Variants in FRMD4B observed in about 807,000 individuals in gnomAD.
The protein encoded by FRMD4B is FERM domain containing 4B.
A neutral mutation model predicts 141.5 loss-of-function variants in FRMD4B; 74 were observed. The observed-to-expected ratio is 0.52, with a 90% CI of 0.43 to 0.63. FRMD4B has a LOEUF of 0.63. FRMD4B is among the 30% of genes least tolerant of loss of function. The pLI, the probability that FRMD4B is intolerant of heterozygous loss-of-function variation, is 0.00. For missense variants in FRMD4B, 1,366 were observed against 1,253.4 expected (o/e 1.09, Z -1.36); for synonymous variants, 506 against 467.9 (o/e 1.08, Z -1.05).
intron 1 of FRMD4B, among the ~76,000 whole-genome samples, chr3:69,460,760 A>G (rs1705695799): frequency 6.6e-6 from 1 of 152,122 alleles, no homozygotes; most frequent in Admixed American, 6.6e-5. Context: ...CAGCTTCCTG[A>G]GCCCTCCTCT....
At chr3:69,439,974 G>A (rs919997877) in intron 1 of FRMD4B, among the ~76,000 whole-genome samples, 2 of 152,106 alleles carry the variant, frequency 1.3e-5, no homozygotes, top group Admixed American at 6.5e-5. Context: ...TAGAGATTCT[G>A]GAAACTTGCT....
chr3:69,284,750 C>G (rs1487757774), intron 5 of FRMD4B, among the ~76,000 whole-genome samples: 2 of 152,174 alleles, frequency 1.3e-5, no homozygotes, highest in Non-Finnish European at 2.9e-5. Context: ...CTGACACAGA[C>G]ATTAGGATAA....
intron 1 of FRMD4B, among the ~76,000 whole-genome samples, chr3:69,375,307 A>T (rs151192452): frequency 0.016 from 2,365 of 148,204 alleles, 77 homozygotes; most frequent in African/African-American, 0.056. Flanking sequence ...CCATCCATCC[A>T]TCCTTCCTTC....
chr3:69,251,451 C>CA (rs2093463119), intron 5 of FRMD4B, among the ~76,000 whole-genome samples: 1 of 151,894 alleles, frequency 6.6e-6, no homozygotes, highest in Admixed American at 6.6e-5. Context: ...AGAGGGTTCT[C>CA]AAAAAACAAA....
At chr3:69,489,135 A>C (rs1214845115) in intron 1 of FRMD4B, among the ~76,000 whole-genome samples, 1 of 151,728 alleles carries the variant, frequency 6.6e-6, no homozygotes, top group African/African-American at 2.4e-5. Flanking sequence ...TGCAAATCAT[A>C]TATCTAAAAA....
At chr3:69,204,984 A>G (rs889537180) in intron 11 of FRMD4B, among the ~76,000 whole-genome samples, 1 of 150,334 alleles carries the variant, frequency 6.7e-6, no homozygotes, top group African/African-American at 2.5e-5. Context: ...AAGATCCTCA[A>G]TGTATAACCA....
At chr3:69,374,529 CAGCTTATACAGATGGGAA>C (rs1428522629) in intron 1 of FRMD4B, among the ~76,000 whole-genome samples, 5 of 152,150 alleles carry the variant, frequency 3.3e-5, no homozygotes, top group Non-Finnish European at 5.9e-5. Flanking sequence ...GATCAGAGGA[CAGCTTATACAGATGGGAA>C]AGATAGCAGA....
chr3:69,536,816 G>A (rs368678236), intron 1 of FRMD4B: 8 of 390,546 alleles, frequency 2.0e-5, no homozygotes, highest in East Asian at 1.9e-4. Flanking sequence ...GCACTATCAC[G>A]GCTCACTGCA....
At chr3:69,246,806 C>A (rs1466220372) in intron 7 of FRMD4B, among the ~76,000 whole-genome samples, 2 of 152,174 alleles carry the variant, frequency 1.3e-5, no homozygotes, top group Non-Finnish European at 2.9e-5. Flanking sequence ...TCAGGAAAAC[C>A]ACCAGGAACA....
intron 1 of FRMD4B, among the ~76,000 whole-genome samples, chr3:69,443,412 C>G (rs950674095): frequency 6.6e-6 from 1 of 152,244 alleles, no homozygotes; most frequent in East Asian, 1.9e-4. Flanking sequence ...TTTATAATAT[C>G]TTTTCTAATG....
At chr3:69,264,515 A>C (rs1043749384) in intron 5 of FRMD4B, among the ~76,000 whole-genome samples, 1 of 152,166 alleles carries the variant, frequency 6.6e-6, no homozygotes, top group African/African-American at 2.4e-5. Context: ...AAGGGATCCC[A>C]GGTTTTTGAA....
At chr3:69,330,213 CCTT>C (rs772022389) in intron 1 of FRMD4B, among the ~76,000 whole-genome samples, 1 of 151,170 alleles carries the variant, frequency 6.6e-6, no homozygotes, top group Admixed American at 6.6e-5. Context: ...CTCCTGCTCT[CCTT>C]CTGAATTTTC....
At chr3:69,479,861 G>T (rs1706087438) in intron 1 of FRMD4B, among the ~76,000 whole-genome samples, 2 of 152,062 alleles carry the variant, frequency 1.3e-5, no homozygotes. Context: ...ACGTAGATTT[G>T]GTCTTTTCAC....
intron 1 of FRMD4B, among the ~76,000 whole-genome samples, chr3:69,382,556 G>A (rs534821585): frequency 8.5e-5 from 13 of 152,086 alleles, no homozygotes; most frequent in Non-Finnish European, 1.6e-4. Flanking sequence ...ATAAATAAAA[G>A]TAGTGAATTT....
intron 1 of FRMD4B, among the ~76,000 whole-genome samples, chr3:69,343,743 C>A (rs141569295): frequency 6.6e-6 from 1 of 152,012 alleles, no homozygotes; most frequent in African/African-American, 2.4e-5. Context: ...CCATACCTGG[C>A]TAATTTTTGT....
intron 7 of FRMD4B, among the ~76,000 whole-genome samples, chr3:69,245,122 T>C (rs979482379): frequency 6.6e-6 from 1 of 152,136 alleles, no homozygotes; most frequent in African/African-American, 2.4e-5. Flanking sequence ...AGCAATCCTA[T>C]GGAGTGTGTA....
chr3:69,263,252 G>A (rs923933108), intron 5 of FRMD4B, among the ~76,000 whole-genome samples: 21 of 151,936 alleles, frequency 1.4e-4, no homozygotes, highest in Non-Finnish European at 2.4e-4. Context: ...GCAAGACTCC[G>A]TCTCAAAAAT....
rs75506663 is a variant in FRMD4B, at chr3:69,497,955, A to G, written c.-129+44251T>C. ...AGAGTCCAAGGTGAGCCTAGCTAAC[A>G]CTAAGCACCATTCCCTAAGAAATAG... On this transcript the variant is annotated intron_variant, in intron 1 of 5. Coordinates refer to the FRMD4B transcript ENST00000459638. Among the ~76,000 whole-genome samples the G allele has an allele frequency of 2.4e-3, 366 of 152,326 alleles. 4 individuals carry two copies. Among genetic ancestry groups the G allele is most frequent in the African/African-American group, 8.5e-3 (353 of 41,570 alleles).
chr3:69,428,873 C>T (rs958410057), intron 2 of FRMD4B, among the ~76,000 whole-genome samples: 3 of 152,196 alleles, frequency 2.0e-5, no homozygotes, highest in African/African-American at 7.2e-5. Context: ...CAGCTCTTGG[C>T]AACCACCACT....
Sources: gnomAD v4.1 joint callset for allele counts (sites outside exome capture counted in the v4.1 genomes callset) on GRCh38, gnomAD v4.1.1 for gene constraint, MANE v1.5 for transcripts, NCBI Gene and HGNC (gene_info 2026-07-23, HGNC 2026-07-21) for gene names.